SDK2: variants seen among roughly 807,000 people sequenced by gnomAD.
SDK2 encodes the protein sidekick cell adhesion molecule 2.
In SDK2, 105 loss-of-function variants were observed where a neutral mutation model predicts 253.9. The ratio of observed to expected loss-of-function variants is 0.41; its 90% CI spans 0.35 to 0.49. The LOEUF (loss-of-function observed/expected upper bound fraction) is 0.49, where lower values mean the gene tolerates loss of function less well. Among genes scored for constraint, SDK2 ranks in the 20% least tolerant of loss-of-function variants. The pLI is 0.06. For missense variants in SDK2, 2,608 were observed against 3,003.0 expected, an observed-to-expected ratio of 0.87 and a Z score of 3.07; for synonymous variants, 1,249 against 1,234.9, an observed-to-expected ratio of 1.01 and a Z score of -0.24.
intron 1 of SDK2, among the ~76,000 whole-genome samples, chr17:73,635,944 C>G (rs1248936107): frequency 2.0e-5 from 3 of 152,044 alleles, no homozygotes; most frequent in Non-Finnish European, 4.4e-5. Flanking sequence ...GAGGCAAGAG[C>G]CAGGAGGAGC....
rs2063427843 is a variant in SDK2, at chr17:73,443,016, T to C, written c.614-2093A>G. ...ATCCATGGCTCCTGAAAATACAACCTCTGAGGACTTTTTCTCCACAACAAA... is the reference window on the plus strand; with the variant it reads ...ATCCATGGCTCCTGAAAATACAACCCCTGAGGACTTTTTCTCCACAACAAA... On this transcript the variant is annotated intron_variant, in intron 5 of 44. Transcript: ENST00000392650. This position sits in a 1 kb window ranked among gnomAD's most constrained non-coding sequence, Gnocchi z 4.6. 6.6e-6 allele frequency among the ~76,000 whole-genome samples: 1 copy of C among 152,090 alleles called. No individual in the cohort carries two copies. Among genetic ancestry groups the C allele is most frequent in the South Asian group, 2.1e-4 (1 of 4,822 alleles).
chr17:73,431,637 G>T lies in SDK2; in HGVS notation c.1345C>A (p.Leu449Met). Residue 449 changes from leucine to methionine, a missense_variant, in exon 11 of 45, where the codon CTG (leucine) becomes ATG (methionine). Transcript: ENST00000392650. This position sits in a 1 kb window ranked among gnomAD's most constrained non-coding sequence, Gnocchi z 5.6. Reference protein sequence around the residue: ...ERILASGSVQLPRFTPLESGS... With the variant: ...ERILASGSVQMPRFTPLESGS... ...GACTCCAGGGGTGTGAAGCGAGGCA[G>T]CTGCACAGAGCCACTGGCCAAGATG... The T allele has an allele frequency of 6.2e-7, 1 of 1,611,966 alleles. No homozygotes were observed. The highest frequency in any genetic ancestry group is 8.5e-7 in the Non-Finnish European group (1 of 1,179,096).
At chr17:73,442,101 G>T (rs934402108) in intron 5 of SDK2, among the ~76,000 whole-genome samples, 1 of 152,254 alleles carries the variant, frequency 6.6e-6, no homozygotes, top group African/African-American at 2.4e-5. Flanking sequence ...TACTTGTTAG[G>T]TGTGTATATT....
chr17:73,495,422 A>G (rs2063834876), intron 2 of SDK2, among the ~76,000 whole-genome samples: 1 of 152,206 alleles, frequency 6.6e-6, no homozygotes, highest in African/African-American at 2.4e-5. Context: ...TACATCACGC[A>G]TGACAGACTC....
At position 73,338,426 on chromosome 17, in the gene SDK2, G is replaced by A. The variant is rs2062400061; in HGVS notation, c.*161C>T. ...CTCTCACGGTTTTCTCCCTCCTTCT[G>A]AACGCCGGCTTTGCTGGCCCTGGAA... On this transcript the variant is annotated 3_prime_UTR_variant, in exon 45 of 45. Coordinates refer to ENST00000392650, the MANE Select transcript of SDK2 (RefSeq NM_001144952.2). The surrounding 1 kb of genome is among the most constrained non-coding windows in gnomAD (Gnocchi z 5.0). The A allele has an allele frequency of 1.4e-6, 1 of 701,786 alleles. No homozygotes were observed. The highest frequency in any genetic ancestry group is 1.5e-5 in the South Asian group (1 of 66,268). The allele number at this position is 701,786 out of a possible 1,614,324, so 43.5% of individuals were successfully genotyped here.
intron 19 of SDK2, 61 bp from the exon 20 acceptor site, chr17:73,401,813 T>A (rs2063029412): frequency 6.8e-7 from 1 of 1,471,510 alleles, no homozygotes; most frequent in Non-Finnish European, 9.3e-7. Flanking sequence ...GAGACCACCA[T>A]CTGTGAGATA....
At chr17:73,410,665 T>C (rs990107385) in intron 18 of SDK2, among the ~76,000 whole-genome samples, 1 of 152,178 alleles carries the variant, frequency 6.6e-6, no homozygotes, top group Admixed American at 6.5e-5. Context: ...GAAAGATAAA[T>C]GTGAGCGAAG....
At chr17:73,621,213 A>G (rs1416673674) in intron 1 of SDK2, among the ~76,000 whole-genome samples, 1 of 152,216 alleles carries the variant, frequency 6.6e-6, no homozygotes, top group East Asian at 1.9e-4. Flanking sequence ...GCAGACTGCA[A>G]GTAACCCAGC....
intron 10 of SDK2, among the ~76,000 whole-genome samples, chr17:73,432,359 C>G (rs1359423041): frequency 1.3e-5 from 2 of 152,080 alleles, no homozygotes; most frequent in African/African-American, 4.8e-5. Context: ...ACCCCCCACC[C>G]CCGTAAGGAA....
At position 73,338,315 on chromosome 17, in the gene SDK2, CA is replaced by C. The variant is rs1203800243; in HGVS notation, c.*271del. The C allele has an allele frequency of 1.6e-6, 1 of 607,718 alleles. No individual in the cohort carries two copies. Among genetic ancestry groups the C allele is most frequent in the African/African-American group, 1.8e-5 (1 of 55,018 alleles). The allele number at this position is 607,718 out of a possible 1,614,324, so 37.6% of individuals were successfully genotyped here. ...CCACTCCGTGTCCATAGCAGTGACA[CA>C]GCCACTTCCCCAGCTCCGTGTAATT... On this transcript the variant is annotated 3_prime_UTR_variant, in exon 45 of 45. Coordinates refer to ENST00000392650, the MANE Select transcript of SDK2 (RefSeq NM_001144952.2). This position sits in a 1 kb window ranked among gnomAD's most constrained non-coding sequence, Gnocchi z 5.0.
At chr17:73,564,227 A>G (rs1334467725) in intron 1 of SDK2, among the ~76,000 whole-genome samples, 1 of 152,266 alleles carries the variant, frequency 6.6e-6, no homozygotes, top group African/African-American at 2.4e-5. Flanking sequence ...ATTAAATAAA[A>G]TTAAAAATTC....
chr17:73,567,570 G>C (rs1342111243), intron 1 of SDK2, among the ~76,000 whole-genome samples: 2 of 152,242 alleles, frequency 1.3e-5, no homozygotes, highest in Non-Finnish European at 2.9e-5. Flanking sequence ...ACCTCAACAT[G>C]AACAGGCACC....
In SDK2 at chr17:73,348,873, C is replaced by T. The variant is rs374191189; in HGVS notation, c.6039-148G>A. On this transcript the variant is annotated intron_variant, in intron 43 of 44. Transcript: ENST00000392650. Reference sequence around the variant, plus strand: ...TTCCTGGGTCTGCCTTCCAGGGGCCCGGGCCTGGGAGGTAGGAATCTGGAG... The same window carrying T: ...TTCCTGGGTCTGCCTTCCAGGGGCCTGGGCCTGGGAGGTAGGAATCTGGAG... The T allele has an allele frequency of 6.1e-5, 39 of 635,620 alleles. No individual in the cohort carries two copies. In the East Asian group the frequency reaches 9.5e-4, roughly 16 times the overall value. 39.4% of individuals were successfully genotyped at this position (635,620 alleles called of 1,614,324 possible).
chr17:73,492,524 G>T (rs1015030272), intron 2 of SDK2, among the ~76,000 whole-genome samples: 3 of 152,236 alleles, frequency 2.0e-5, no homozygotes, highest in Non-Finnish European at 1.5e-5. Flanking sequence ...GCCCACCAGT[G>T]CCTGGAACCC....
At chr17:73,453,441 A>G (rs12944134) in intron 4 of SDK2, among the ~76,000 whole-genome samples, 126,178 of 150,712 alleles carry the variant, frequency 0.84, 53,622 homozygotes, top group Non-Finnish European at 0.9. Context: ...GCAGTGGTGC[A>G]ATCTTGGCTC....
rs753796931 is a variant in SDK2 at position 73,440,866 on chromosome 17, G to T, written c.671C>A (p.Thr224Asn). The change falls in exon 6 of 45, where the codon ACC becomes AAC. Residue 224 changes from threonine (T) to asparagine (N), a missense_variant. By Grantham distance (65) the Thr-to-Asn change is moderately conservative (BLOSUM62 0). This residue lies in a region of SDK2 where 1,505 missense variants were observed against 1,859.1 expected (regional missense o/e 0.81). Transcript: ENST00000392650. ...APTIIIPPKN[T>N]SVVAGTSEVT... Reference sequence around the variant, plus strand: ...CTCTGAGGTGCCGGCCACCACGCTGGTGTTTTTAGGTGGGATGATGATGGT... The same window carrying T: ...CTCTGAGGTGCCGGCCACCACGCTGTTGTTTTTAGGTGGGATGATGATGGT... 3 of 1,551,748 alleles carry T rather than the reference G, an allele frequency of 1.9e-6. No individual in the cohort carries two copies. The highest frequency in any genetic ancestry group is 2.0e-5 in the Admixed American group (1 of 51,004).
At chr17:73,636,116 G>C (rs943683294) in intron 1 of SDK2, among the ~76,000 whole-genome samples, 4 of 152,138 alleles carry the variant, frequency 2.6e-5, no homozygotes, top group African/African-American at 4.8e-5. Flanking sequence ...GACGTATGCC[G>C]TGGAAGCCAA....
At chr17:73,608,713 G>A (rs2045937486) in intron 1 of SDK2, among the ~76,000 whole-genome samples, 1 of 152,210 alleles carries the variant, frequency 6.6e-6, no homozygotes, top group African/African-American at 2.4e-5. Flanking sequence ...AAAGTGCTGG[G>A]ATTATAGGTG....
Position 73,629,706 on chromosome 17 carries a change from T to C in SDK2, c.64+14319A>G, listed in dbSNP as rs553818219. 3.7e-3 allele frequency among the ~76,000 whole-genome samples: 565 copies of C among 152,246 alleles called. 1 individual carries two copies. The highest frequency in any genetic ancestry group is 6.1e-3 in the Non-Finnish European group (415 of 68,016). On this transcript the variant is annotated intron_variant, in intron 1 of 44. Transcript: ENST00000392650. The surrounding 1 kb of genome is among the most constrained non-coding windows in gnomAD (Gnocchi z 5.0). ...CCAACCACAGGCTTGCTGCCTTCAC[T>C]TGACCGTGAGCAATTTGAGGGCAAG...
Sources: gnomAD v4.1 joint callset for allele counts (sites outside exome capture counted in the v4.1 genomes callset) on GRCh38, gnomAD v4.1.1 for gene constraint, gnomAD v4.1.1 regional missense constraint, Gnocchi (gnomAD v3.1) non-coding constraint, MANE v1.5 for transcripts, NCBI Gene and HGNC (gene_info 2026-07-23, HGNC 2026-07-21) for gene names.